Variants in PFKP observed in about 807,000 individuals in gnomAD.
PFKP encodes the protein ATP-dependent 6-phosphofructokinase, platelet type.
A neutral mutation model predicts 94.3 loss-of-function variants in PFKP; 101 were observed. The observed-to-expected ratio is 1.07, with a 90% confidence interval of 0.91 to 1.26. The LOEUF (loss-of-function observed/expected upper bound fraction) is 1.26. Among genes scored for constraint, PFKP ranks in the 50% most tolerant of loss-of-function variants. PFKP has a pLI of 0.00. For synonymous variants in PFKP, 573 were observed against 432.6 expected (o/e 1.32, Z -4.03); for missense variants, 1,145 against 1,103.3 (o/e 1.04, Z -0.53).
At chr10:3,100,393 T>A (rs1332087938) in intron 3 of PFKP, among the ~76,000 whole-genome samples, 1 of 151,672 alleles carries the variant, frequency 6.6e-6, no homozygotes, top group Non-Finnish European at 1.5e-5. Context: ...TTTTGTAACC[T>A]TTTCATAATG....
At position 3,108,759 on chromosome 10, in the gene PFKP, G is replaced by A. The variant is rs769132292; in HGVS notation, c.929G>A (p.Arg310Lys). ...GTGACCATCCTCGGGCACGTGCAGA[G>A]AGGAGGGACCCCTTCGGCATTCGAC... ...TRVTILGHVQ[R>K]GGTPSAFDRI... The change falls in exon 9 of 22, where the codon AGA becomes AAA. Residue 310 changes from arginine to lysine, a missense_variant. Around this residue, in one of 3 missense-constraint regions of PFKP, gnomAD observed 1,119 missense variants for 1,062.8 expected, o/e 1.05. Coordinates refer to ENST00000381125, the MANE Select transcript of PFKP (RefSeq NM_002627.5). The A allele has an allele frequency of 2.3e-5, 37 of 1,613,806 alleles. No individual in the cohort carries two copies. The highest frequency in any genetic ancestry group is 3.1e-5 in the Non-Finnish European group (36 of 1,179,848).
intron 3 of PFKP, among the ~76,000 whole-genome samples, chr10:3,099,775 G>A (rs569153816): frequency 7.0e-4 from 106 of 152,222 alleles, no homozygotes; most frequent in Admixed American, 1.2e-3. Flanking sequence ...TCCATTCTGC[G>A]GTCGTGATTG....
chr10:3,081,936 T>C (rs1045246340), intron 1 of PFKP, among the ~76,000 whole-genome samples: 2 of 147,794 alleles, frequency 1.4e-5, no homozygotes, highest in Admixed American at 6.9e-5. Flanking sequence ...ACTTTACTGA[T>C]AATAAAATTG....
chr10:3,073,888 A>G (rs1291648608), intron 1 of PFKP, among the ~76,000 whole-genome samples: 5 of 151,958 alleles, frequency 3.3e-5, no homozygotes, highest in Admixed American at 3.3e-4. Context: ...CCCAGCCTGG[A>G]GTGCAGTGGC....
intron 16 of PFKP, among the ~76,000 whole-genome samples, chr10:3,126,731 C>A (rs1837987700): frequency 6.6e-6 from 1 of 152,270 alleles, no homozygotes; most frequent in South Asian, 2.1e-4. Context: ...CCTTTTCTTT[C>A]ACCACCAATT....
chr10:3,091,398 T>G (rs4881078), intron 2 of PFKP, among the ~76,000 whole-genome samples: 121,084 of 152,028 alleles, frequency 0.8, 49,669 homozygotes, highest in Non-Finnish European at 0.88. Context: ...TGCCACTGTG[T>G]CTGCAGGAAA....
intron 2 of PFKP, among the ~76,000 whole-genome samples, chr10:3,083,697 C>A (rs117497120): frequency 0.038 from 5,802 of 152,212 alleles, 159 homozygotes; most frequent in East Asian, 0.1. Context: ...GGCTTGAGTG[C>A]AATGGCTTGA....
At chr10:3,136,402 C>T (rs1372510645) in intron 21 of PFKP, 48 bp from the exon 22 acceptor site, 1 of 1,600,856 alleles carries the variant, frequency 6.2e-7, no homozygotes, top group Admixed American at 1.7e-5. Flanking sequence ...GGAGGCATCT[C>T]CCGCCAGTGA....
intron 16 of PFKP, among the ~76,000 whole-genome samples, chr10:3,123,660 C>T (rs1837643631): frequency 6.6e-6 from 1 of 152,226 alleles, no homozygotes; most frequent in African/African-American, 2.4e-5. Flanking sequence ...TCGGGTATTC[C>T]ACAGTAAAGT....
chr10:3,112,005 C>A (rs1391844104), intron 10 of PFKP, among the ~76,000 whole-genome samples: 2 of 152,226 alleles, frequency 1.3e-5, no homozygotes, highest in Non-Finnish European at 2.9e-5. Flanking sequence ...AGTCCCAGGG[C>A]TCTGACCTCA....
Position 3,114,342 on chromosome 10 carries a change from G to A in PFKP, c.1371+824G>A, listed in dbSNP as rs191060236. ...TTTTTGTATTTTTAGTAGAGATGGG[G>A]TTTCATCATGTTGGCCAGGCTGGTC... On this transcript the variant is annotated intron_variant, in intron 13 of 21. Transcript: ENST00000381125. Among the ~76,000 whole-genome samples, 27 of 152,240 alleles carry A rather than the reference G, an allele frequency of 1.8e-4. 1 individual carries two copies. The East Asian group carries it at 5.2e-3, about 29-fold the overall frequency.
intron 15 of PFKP, among the ~76,000 whole-genome samples, chr10:3,119,446 A>AG (rs1837163096): frequency 1.3e-5 from 2 of 151,028 alleles, no homozygotes; most frequent in Admixed American, 1.3e-4. Context: ...TCTCTACTAA[A>AG]ATATAAAAAT....
chr10:3,104,713 G>T (rs773912642), intron 5 of PFKP: 35 of 289,594 alleles, frequency 1.2e-4, no homozygotes, highest in Non-Finnish European at 2.2e-4. Flanking sequence ...TAGTGAGTCT[G>T]GCACTCACTT....
chr10:3,100,717 T>C (rs74957689), intron 3 of PFKP, among the ~76,000 whole-genome samples: 5,796 of 152,174 alleles, frequency 0.038, 304 homozygotes, highest in African/African-American at 0.12. Flanking sequence ...TAAAGAAATC[T>C]TGCATTTGTG....
At position 3,103,955 on chromosome 10, in the gene PFKP, CAG is replaced by C; in HGVS notation, c.620+14_620+15del. On this transcript the variant is annotated intron_variant, in intron 5 of 21. Coordinates refer to ENST00000381125, the MANE Select transcript of PFKP (RefSeq NM_002627.5). ...GACCACGGCCCAGAGGTAAAGCGCT[CAG>C]AGGAACCGGCGGGAGGCCAGTGGGG... is the stretch of plus-strand genomic sequence containing the variant. 2 of 1,612,238 alleles carry C rather than the reference CAG, an allele frequency of 1.2e-6. No homozygotes were observed.
chr10:3,097,453 CAAT>C (rs143079142), intron 2 of PFKP, among the ~76,000 whole-genome samples: 1,838 of 151,906 alleles, frequency 0.012, 11 homozygotes, highest in Non-Finnish European at 0.016. Context: ...CAAGGGGAGA[CAAT>C]AATAATAATA....
intron 1 of PFKP, among the ~76,000 whole-genome samples, chr10:3,073,703 C>T (rs1832364792): frequency 1.3e-5 from 2 of 149,350 alleles, no homozygotes; most frequent in Admixed American, 6.6e-5. Context: ...TGATCTGATC[C>T]GAAGTTTCCT....
chr10:3,115,953 C>T (rs1026215715), intron 13 of PFKP, among the ~76,000 whole-genome samples: 4 of 152,316 alleles, frequency 2.6e-5, no homozygotes, highest in Middle Eastern at 3.4e-3. Flanking sequence ...ACCCGCATCT[C>T]AGCAGCAGGA....
rs1009775593 is a variant in PFKP, at chr10:3,102,283, C to T, written c.454+729C>T. ...AAAAAAAAAAAAAAAACTGAAGTTG[C>T]CACAGGACTTTAATTTATTTAGACG... On this transcript the variant is annotated intron_variant, in intron 4 of 21. Coordinates refer to ENST00000381125, the MANE Select transcript of PFKP (RefSeq NM_002627.5). Among the ~76,000 whole-genome samples, 7 of 139,468 alleles carry T rather than the reference C, an allele frequency of 5.0e-5. 1 individual carries two copies. Among genetic ancestry groups the T allele is most frequent in the Admixed American group, 2.9e-4 (4 of 13,596 alleles). 91.5% of individuals were successfully genotyped at this position (139,468 alleles called of 152,430 possible).
Sources: allele counts gnomAD v4.1 joint callset (sites outside exome capture counted in the v4.1 genomes callset), GRCh38; gene constraint gnomAD v4.1.1; regional missense constraint gnomAD v4.1.1; transcripts MANE v1.5; gene names NCBI Gene and HGNC (gene_info 2026-07-23, HGNC 2026-07-21).